CRIM1: variants seen among roughly 807,000 people sequenced by gnomAD.
CRIM1 encodes the protein cysteine rich transmembrane BMP regulator 1.
CRIM1 carries 32 observed loss-of-function variants against 116.4 expected under a neutral mutation model. The observed-to-expected ratio is 0.27, with a 90% CI of 0.21 to 0.37. CRIM1 has a LOEUF of 0.37. CRIM1 is among the 10% of genes least tolerant of loss of function. CRIM1 has a pLI of 1.00. For missense variants in CRIM1, 1,331 were observed against 1,354.8 expected (o/e 0.98, Z 0.28); for synonymous variants, 590 against 509.2 (o/e 1.16, Z -2.13).
chr2:36,533,496 G>A (rs887421973), intron 13 of CRIM1, among the ~76,000 whole-genome samples: 1 of 151,692 alleles, frequency 6.6e-6, no homozygotes, highest in African/African-American at 2.4e-5. Flanking sequence ...TAACTACTCA[G>A]GAGGTTAAAG....
Position 36,474,123 on chromosome 2 carries a change from A to G in CRIM1, c.992-2766A>G, listed in dbSNP as rs866058245. ...GATTCGAGCATCTTTTCATGTGTTT[A>G]TTGTCCATTTCTGTCTTATTTGAAG... On this transcript the variant is annotated intron_variant, in intron 5 of 16. Coordinates refer to ENST00000280527, the MANE Select transcript of CRIM1 (RefSeq NM_016441.3). Among the ~76,000 whole-genome samples the G allele has an allele frequency of 1.3e-5, 2 of 151,962 alleles. 1 individual carries two copies.
intron 1 of CRIM1, among the ~76,000 whole-genome samples, chr2:36,372,603 T>G (rs1201130719): frequency 6.6e-6 from 1 of 152,224 alleles, no homozygotes; most frequent in Non-Finnish European, 1.5e-5. Context: ...GGATATAAGT[T>G]CAGGTACCTG....
intron 1 of CRIM1, among the ~76,000 whole-genome samples, chr2:36,385,875 C>A (rs1298798270): frequency 6.6e-6 from 1 of 152,162 alleles, no homozygotes; most frequent in Admixed American, 6.5e-5. Context: ...GTGTCTGGCA[C>A]ATAGAAAGTG....
At chr2:36,487,514 T>C (rs1275260636) in intron 7 of CRIM1, among the ~76,000 whole-genome samples, 1 of 150,682 alleles carries the variant, frequency 6.6e-6, no homozygotes, top group Non-Finnish European at 1.5e-5. Context: ...GAAGGTTTAT[T>C]AGACTCTAGG....
chr2:36,522,182 C>A lies in CRIM1; in HGVS notation c.2297C>A (p.Ser766Tyr). The change falls in exon 13 of 17, where the codon TCC becomes TAC. Residue 766 changes from serine to tyrosine, a missense_variant. Ser to Tyr is a moderately radical substitution (Grantham distance 144). Transcript: ENST00000280527. ...GGGGATATATTCCTGGCAGCTGAGT[C>A]CTGGAAGCCTGACGTTTGTACCAGC... ...DEGDIFLAAE[S>Y]WKPDVCTSCI... 1 of 1,614,158 alleles carries A rather than the reference C, an allele frequency of 6.2e-7. No individual in the cohort carries two copies. The highest frequency in any genetic ancestry group is 1.7e-5 in the Admixed American group (1 of 60,024).
At chr2:36,512,521 T>G in intron 10 of CRIM1, 127 bp downstream of exon 10, 1 of 1,001,218 alleles carries the variant, frequency 1.0e-6, no homozygotes, top group Non-Finnish European at 1.5e-6. Flanking sequence ...TGTCAGTCTC[T>G]GTGGGACCGT....
chr2:36,419,235 T>G (rs986604020), intron 2 of CRIM1, among the ~76,000 whole-genome samples: 7 of 152,178 alleles, frequency 4.6e-5, no homozygotes, highest in African/African-American at 1.7e-4. Flanking sequence ...GGTAATTTGG[T>G]TGAGAGAGGA....
chr2:36,485,554 G>A (rs1173211586), intron 7 of CRIM1, among the ~76,000 whole-genome samples: 1 of 152,144 alleles, frequency 6.6e-6, no homozygotes, highest in Non-Finnish European at 1.5e-5. Context: ...TCTGTACCAG[G>A]CACATATCTG....
At chr2:36,391,960 C>T (rs1455825198) in intron 1 of CRIM1, among the ~76,000 whole-genome samples, 1 of 152,102 alleles carries the variant, frequency 6.6e-6, no homozygotes, top group African/African-American at 2.4e-5. Flanking sequence ...TCCTTGAATG[C>T]CCTTGATCGA....
chr2:36,465,931 G>T (rs1268318210), intron 5 of CRIM1, among the ~76,000 whole-genome samples: 3 of 151,300 alleles, frequency 2.0e-5, no homozygotes, highest in Non-Finnish European at 4.4e-5. Context: ...TGTCGCCCAG[G>T]CTGGAGTGCA....
intron 12 of CRIM1, among the ~76,000 whole-genome samples, chr2:36,517,917 T>C (rs149517274): frequency 1.2e-4 from 19 of 152,318 alleles, no homozygotes; most frequent in African/African-American, 4.3e-4. Context: ...ATGAGAAGAA[T>C]AGTTATTTAT....
At chr2:36,361,812 C>T (rs944357872) in intron 1 of CRIM1, among the ~76,000 whole-genome samples, 1 of 152,054 alleles carries the variant, frequency 6.6e-6, no homozygotes, top group Non-Finnish European at 1.5e-5. Flanking sequence ...ACACTGTGTT[C>T]CGTATGGCAC....
chr2:36,398,109 G>A (rs1297569716), intron 2 of CRIM1, among the ~76,000 whole-genome samples: 3 of 152,204 alleles, frequency 2.0e-5, no homozygotes, highest in African/African-American at 4.8e-5. Context: ...TATAGATGAC[G>A]TGATCACATG....
intron 4 of CRIM1, among the ~76,000 whole-genome samples, chr2:36,461,699 T>G (rs1191004204): frequency 2.0e-5 from 3 of 152,214 alleles, no homozygotes; most frequent in Non-Finnish European, 4.4e-5. Context: ...ACAGACTTCC[T>G]GGGCAAATAT....
At chr2:36,451,249 C>G (rs1265254711) in intron 4 of CRIM1, among the ~76,000 whole-genome samples, 3 of 152,080 alleles carry the variant, frequency 2.0e-5, no homozygotes, top group African/African-American at 4.8e-5. Flanking sequence ...ATGCCAGTTT[C>G]AAAAAGGCTC....
chr2:36,418,334 C>T (rs190048597), intron 2 of CRIM1, among the ~76,000 whole-genome samples: 3 of 152,262 alleles, frequency 2.0e-5, no homozygotes, highest in African/African-American at 4.8e-5. Context: ...GAGATGGTCT[C>T]GCTCTGACAC....
Position 36,522,243 on chromosome 2 carries a change from T to A in CRIM1, c.2358T>A (p.Ser786=), listed in dbSNP as rs765215726. ...ICIDSVISCF[S]ESCPSVSCER... ...TTGATAGCGTAATTAGCTGTTTCTC[T>A]GAGTCCTGCCCTTCTGTATCCTGTG... The change falls in exon 13 of 17, where the codon TCT becomes TCA. Residue 786 remains serine (S), a synonymous_variant. Coordinates refer to ENST00000280527, the MANE Select transcript of CRIM1 (RefSeq NM_016441.3). The A allele has an allele frequency of 6.2e-7, 1 of 1,614,210 alleles. No homozygotes were observed. The highest frequency in any genetic ancestry group is 2.2e-5 in the East Asian group (1 of 44,874).
At chr2:36,514,993 C>G (rs1415215858) in intron 11 of CRIM1, among the ~76,000 whole-genome samples, 1 of 152,168 alleles carries the variant, frequency 6.6e-6, no homozygotes, top group African/African-American at 2.4e-5. Flanking sequence ...AGAACTCTTT[C>G]CTTTTTTCCG....
At chr2:36,406,945 G>GC (rs1470077063) in intron 2 of CRIM1, among the ~76,000 whole-genome samples, 5 of 151,990 alleles carry the variant, frequency 3.3e-5, no homozygotes, top group African/African-American at 1.2e-4. Flanking sequence ...CTAAGTCCTG[G>GC]CCCCCTCGAA....
Sources: gnomAD v4.1 joint callset for allele counts (sites outside exome capture counted in the v4.1 genomes callset) on GRCh38, gnomAD v4.1.1 for gene constraint, MANE v1.5 for transcripts, NCBI Gene and HGNC (gene_info 2026-07-23, HGNC 2026-07-21) for gene names.